Variants in GRM8 observed in about 807,000 individuals in gnomAD.
GRM8 encodes glutamate metabotropic receptor 8.
GRM8 carries 47 observed loss-of-function variants against 87.2 expected under a neutral mutation model. The ratio of observed to expected loss-of-function variants is 0.54; its 90% CI spans 0.43 to 0.69. The LOEUF is 0.69. GRM8 is among the 30% of genes least tolerant of loss of function. The probability of loss-of-function intolerance (pLI) is 0.00; values close to 1 mark genes in which losing one functional copy is unlikely to be tolerated. For synonymous variants in GRM8, 396 were observed against 404.5 expected (o/e 0.98, Z 0.25); for missense variants, 1,019 against 1,139.2 (o/e 0.89, Z 1.52).
chr7:126,986,776 GAAGACATAAGTCATATCA>G (rs1414312410), intron 3 of GRM8, among the ~76,000 whole-genome samples: 1 of 152,186 alleles, frequency 6.6e-6, no homozygotes, highest in East Asian at 1.9e-4. Context: ...GAAAAGTACA[GAAGACATAAGTCATATCA>G]AAGACAACAG....
chr7:126,978,508 T>A (rs1281122425), intron 3 of GRM8, among the ~76,000 whole-genome samples: 1 of 152,160 alleles, frequency 6.6e-6, no homozygotes, highest in East Asian at 1.9e-4. Context: ...ACCCCAGTGG[T>A]TACAAGTAGG....
intron 7 of GRM8, among the ~76,000 whole-genome samples, chr7:126,645,862 C>T (rs1420645747): frequency 6.6e-6 from 1 of 152,194 alleles, no homozygotes; most frequent in East Asian, 1.9e-4. Context: ...CTACCTCCTA[C>T]TAAATCTCAG....
intron 1 of GRM8, among the ~76,000 whole-genome samples, chr7:127,247,580 G>T (rs1274824906): frequency 3.9e-5 from 6 of 152,098 alleles, no homozygotes. Context: ...CATGTCTATG[G>T]ATTCTTGGTG....
intron 10 of GRM8, 60 bp downstream of exon 10, chr7:126,446,066 C>T (rs765479512): frequency 8.8e-6 from 14 of 1,597,748 alleles, no homozygotes; most frequent in Middle Eastern, 1.7e-4. Context: ...GAATGTTCAA[C>T]GTACATCTAT....
intron 9 of GRM8, chr7:126,465,346 T>TACACACACACACAC (rs113144201): frequency 2.7e-5 from 4 of 148,870 alleles, no homozygotes; most frequent in African/African-American, 9.9e-5. Context: ...CAGTTTTCGA[T>TACACACACACACAC]ACACACACAC....
At chr7:127,204,672 T>TA (rs112595214) in intron 2 of GRM8, among the ~76,000 whole-genome samples, 3,406 of 152,278 alleles carry the variant, frequency 0.022, 113 homozygotes, top group African/African-American at 0.076. Context: ...TTTTTTTTTT[T>TA]TATAACATAT....
chr7:126,533,972 C>T, intron 8 of GRM8, 85 bp from the exon 9 acceptor site: 1 of 955,188 alleles, frequency 1.0e-6, no homozygotes, highest in South Asian at 1.6e-5. Context: ...TAATGAATCA[C>T]AGAATGCTGA....
At chr7:126,906,495 A>T (rs1802689162) in intron 3 of GRM8, among the ~76,000 whole-genome samples, 1 of 152,046 alleles carries the variant, frequency 6.6e-6, no homozygotes, top group South Asian at 2.1e-4. Context: ...CTCCTATAAT[A>T]ATTTATTATG....
intron 6 of GRM8, among the ~76,000 whole-genome samples, chr7:126,807,311 GA>G (rs139323076): frequency 0.019 from 2,890 of 151,832 alleles, 96 homozygotes; most frequent in African/African-American, 0.066. Context: ...ACTTCGACTT[GA>G]AAAAAAATGT....
chr7:127,245,757 T>C (rs188775060), intron 1 of GRM8, among the ~76,000 whole-genome samples: 2 of 152,360 alleles, frequency 1.3e-5, no homozygotes, highest in African/African-American at 4.8e-5. Context: ...TTTGGTTTCA[T>C]TTCAGTTTCA....
chr7:126,865,511 C>A lies in GRM8; in HGVS notation c.1156+37031G>T, dbSNP rs559948677. 3.3e-5 allele frequency among the ~76,000 whole-genome samples: 5 copies of A among 152,244 alleles called. No homozygotes were observed. In the East Asian group the frequency reaches 9.7e-4, roughly 29 times the overall value. Reference sequence around the variant, plus strand: ...TAGCACAGCTCATCTATCAACATAACCAATTTTAGAACGTTTTTATTACCC... The same window carrying A: ...TAGCACAGCTCATCTATCAACATAAACAATTTTAGAACGTTTTTATTACCC... On this transcript the variant is annotated intron_variant, in intron 6 of 10. Coordinates refer to ENST00000339582, the MANE Select transcript of GRM8 (RefSeq NM_000845.3).
intron 2 of GRM8, chr7:127,228,957 C>T (rs1172250831): frequency 2.6e-5 from 4 of 152,152 alleles, no homozygotes; most frequent in Non-Finnish European, 5.9e-5. Flanking sequence ...ATTTAAACAT[C>T]ATAACATTTT....
rs1442417639 is a variant in GRM8 at position 126,685,853 on chromosome 7, G to A, written c.1358-76355C>T. ...CTCAGTGATGCCCTACCTTCAAGCT[G>A]AGGAGGGCCTGAACCCTGGGGGCTG... On this transcript the variant is annotated intron_variant, in intron 7 of 10. Coordinates refer to ENST00000339582, the MANE Select transcript of GRM8 (RefSeq NM_000845.3). The surrounding 1 kb of genome is among the most constrained non-coding windows in gnomAD (Gnocchi z 4.2). Among the ~76,000 whole-genome samples the A allele has an allele frequency of 6.6e-6, 1 of 151,956 alleles. No homozygotes were observed. The highest frequency in any genetic ancestry group is 6.5e-5 in the Admixed American group (1 of 15,272).
chr7:126,569,374 G>T (rs1794505974), intron 8 of GRM8, among the ~76,000 whole-genome samples: 1 of 152,128 alleles, frequency 6.6e-6, no homozygotes, highest in Non-Finnish European at 1.5e-5. Context: ...ACCATGACAG[G>T]CTCCATGTAT....
At chr7:126,581,483 G>T (rs145183417) in intron 8 of GRM8, among the ~76,000 whole-genome samples, 6 of 152,178 alleles carry the variant, frequency 3.9e-5, no homozygotes, top group Middle Eastern at 3.4e-3. Context: ...GGAGTCTCAG[G>T]AAATGAATAA....
chr7:126,576,021 GGA>G (rs1338040020), intron 8 of GRM8, among the ~76,000 whole-genome samples: 1 of 152,122 alleles, frequency 6.6e-6, no homozygotes, highest in Non-Finnish European at 1.5e-5. Flanking sequence ...TGCTATAGCT[GGA>G]GAGTCATGAG....
At chr7:126,540,715 T>G (rs1816436266) in intron 8 of GRM8, among the ~76,000 whole-genome samples, 1 of 152,164 alleles carries the variant, frequency 6.6e-6, no homozygotes, top group Non-Finnish European at 1.5e-5. Flanking sequence ...TTATTTTATA[T>G]ATAACATCCA....
chr7:126,668,294 G>GC (rs1806013749), intron 7 of GRM8, among the ~76,000 whole-genome samples: 1 of 152,088 alleles, frequency 6.6e-6, no homozygotes, highest in South Asian at 2.1e-4. Flanking sequence ...GGACCCCATC[G>GC]CTAGCTGAAC....
intron 6 of GRM8, among the ~76,000 whole-genome samples, chr7:126,775,115 G>A (rs550587621): frequency 8.5e-5 from 13 of 152,206 alleles, no homozygotes; most frequent in African/African-American, 3.1e-4. Flanking sequence ...TGTAGATTAA[G>A]AAGTATTTTT....
Sources: allele counts gnomAD v4.1 joint callset (sites outside exome capture counted in the v4.1 genomes callset), GRCh38; gene constraint gnomAD v4.1.1; non-coding constraint Gnocchi (gnomAD v3.1); transcripts MANE v1.5; gene names NCBI Gene and HGNC (gene_info 2026-07-23, HGNC 2026-07-21).